WDR82: variants seen among roughly 807,000 people sequenced by gnomAD.
The protein encoded by WDR82 is WD repeat domain 82, also known as WD repeat-containing protein 82.
A neutral mutation model predicts 36.1 loss-of-function variants in WDR82; 8 were observed. The observed-to-expected ratio is 0.22, with a 90% CI of 0.13 to 0.40. The LOEUF (loss-of-function observed/expected upper bound fraction) is 0.40, where lower values mean the gene tolerates loss of function less well. Ranked by LOEUF, WDR82 falls within the 10% of genes least tolerant of loss-of-function variation. The pLI is 1.00. For synonymous variants in WDR82, 129 were observed against 137.8 expected, an observed-to-expected ratio of 0.94 and a Z score of 0.45; for missense variants, 185 against 400.5, an observed-to-expected ratio of 0.46 and a Z score of 4.59.
intron 2 of WDR82, among the ~76,000 whole-genome samples, chr3:52,269,171 A>G (rs962607850): frequency 2.6e-5 from 4 of 152,178 alleles, no homozygotes; most frequent in Admixed American, 6.5e-5. Context: ...ATCCACTGAA[A>G]TAAGTTTAAA....
chr3:52,257,932 T>C (rs1438124573), intron 8 of WDR82, among the ~76,000 whole-genome samples: 1 of 152,050 alleles, frequency 6.6e-6, no homozygotes, highest in African/African-American at 2.4e-5. Context: ...TAACATTTTT[T>C]TCTTGGTTAA....
rs1401380114 is a variant in WDR82, at chr3:52,259,239, G to C, written c.727C>G (p.Leu243Val). The change falls in exon 7 of 9, where the codon CTG (leucine) becomes GTG (valine). Residue 243 changes from leucine to valine, a missense_variant. Physicochemically the swap from Leu to Val is conservative, Grantham distance 32. Coordinates refer to ENST00000296490, the MANE Select transcript of WDR82 (RefSeq NM_025222.4). ...GGYANSKAVT[L>V]EASFTPDSQF... ...GAGTCTGGAGTAAATGAAGCCTCCAGTGTGACAGCTTTGCTGTTGGCATAA... is the reference window on the plus strand; with the variant it reads ...GAGTCTGGAGTAAATGAAGCCTCCACTGTGACAGCTTTGCTGTTGGCATAA... 6.2e-7 allele frequency: 1 copy of C among 1,614,234 alleles called. No homozygotes were observed. Among genetic ancestry groups the C allele is most frequent in the Admixed American group, 1.7e-5 (1 of 60,014 alleles).
chr3:52,278,369 G>A lies in WDR82; in HGVS notation c.-8C>T, dbSNP rs752961599. 10 of 1,535,012 alleles carry A rather than the reference G, an allele frequency of 6.5e-6. No homozygotes were observed. The highest frequency in any genetic ancestry group is 1.8e-4 in the Middle Eastern group (1 of 5,710). ...GCTGTCGGTCAGCTTCATGGCGGCG[G>A]CTGGGGAAGGCAGCGGCGGCGCAGG... On this transcript the variant is annotated 5_prime_UTR_variant, in exon 1 of 9. Transcript: ENST00000296490.
At chr3:52,278,004 CTATCGT>C (rs1381941759) in intron 1 of WDR82, 191 bp downstream of exon 1, 8 of 435,306 alleles carry the variant, frequency 1.8e-5, no homozygotes, top group Non-Finnish European at 2.4e-5. Flanking sequence ...AAAATTATGA[CTATCGT>C]TATCTTTTTT....
At chr3:52,273,220 A>G (rs1340831453) in intron 1 of WDR82, among the ~76,000 whole-genome samples, 2 of 152,224 alleles carry the variant, frequency 1.3e-5, no homozygotes, top group African/African-American at 4.8e-5. Flanking sequence ...ACCTGAGGTC[A>G]GGAGTCTGAG....
chr3:52,276,033 T>C (rs1700200121), intron 1 of WDR82, among the ~76,000 whole-genome samples: 2 of 152,194 alleles, frequency 1.3e-5, no homozygotes, highest in African/African-American at 4.8e-5. Context: ...TATTGAATCA[T>C]ATGGGAGTTC....
intron 1 of WDR82, among the ~76,000 whole-genome samples, chr3:52,277,456 C>T (rs1034588878): frequency 6.6e-6 from 1 of 152,074 alleles, no homozygotes; most frequent in African/African-American, 2.4e-5. Flanking sequence ...AATTGTTCTA[C>T]GATGCTTGCT....
chr3:52,263,548 TA>T (rs1423097351), intron 3 of WDR82, among the ~76,000 whole-genome samples: 3 of 152,126 alleles, frequency 2.0e-5, no homozygotes, highest in Non-Finnish European at 4.4e-5. Flanking sequence ...ATGGGAAGAT[TA>T]ATTAGGAGCT....
At chr3:52,278,066 G>A in intron 1 of WDR82, 135 bp downstream of exon 1, 4 of 859,634 alleles carry the variant, frequency 4.7e-6, no homozygotes, top group Non-Finnish European at 6.5e-6. Context: ...GCTGCGGGGT[G>A]GAGGCGGCCC....
At position 52,258,703 on chromosome 3, in the gene WDR82, G is replaced by T. The variant is rs774123117; in HGVS notation, c.770-25C>A. On this transcript the variant is annotated intron_variant, in intron 7 of 8. Transcript: ENST00000296490. Reference sequence around the variant, plus strand: ...CCTAAAGAGGATATTCACGGAAAATGTAACAGCTCAAGGCGCAATACAAAG... The same window carrying T: ...CCTAAAGAGGATATTCACGGAAAATTTAACAGCTCAAGGCGCAATACAAAG... 5 of 1,613,950 alleles carry T rather than the reference G, an allele frequency of 3.1e-6. No homozygotes were observed. The African/African-American group carries it at 4.0e-5, about 13-fold the overall frequency.
At chr3:52,265,117 G>C (rs960351227) in intron 3 of WDR82, among the ~76,000 whole-genome samples, 1 of 151,634 alleles carries the variant, frequency 6.6e-6, no homozygotes, top group African/African-American at 2.4e-5. Context: ...TGGGTAACAC[G>C]GTAAAACCCC....
intron 1 of WDR82, among the ~76,000 whole-genome samples, chr3:52,272,309 C>T (rs1032180012): frequency 5.3e-5 from 8 of 151,874 alleles, no homozygotes; most frequent in Admixed American, 5.2e-4. Flanking sequence ...TTTGGGAGGC[C>T]GAGGAGGGTG....
intron 6 of WDR82, 38 bp from the exon 7 acceptor site, chr3:52,259,304 GC>G: frequency 6.2e-7 from 1 of 1,602,448 alleles, no homozygotes; most frequent in Non-Finnish European, 8.5e-7. Flanking sequence ...TTCTTACAGA[GC>G]CATTAATAAA....
intron 8 of WDR82, among the ~76,000 whole-genome samples, chr3:52,258,154 T>C (rs1700029435): frequency 6.6e-6 from 1 of 152,180 alleles, no homozygotes; most frequent in African/African-American, 2.4e-5. Context: ...TTCTGGGAAT[T>C]TGGCGTAAAC....
intron 2 of WDR82, 177 bp from the exon 3 acceptor site, chr3:52,267,195 T>C: frequency 2.3e-6 from 1 of 442,322 alleles, no homozygotes; most frequent in Non-Finnish European, 4.1e-6. Context: ...TATGTAGATT[T>C]CACCTAACTC....
At chr3:52,274,629 T>C (rs2107343451) in intron 1 of WDR82, among the ~76,000 whole-genome samples, 1 of 151,846 alleles carries the variant, frequency 6.6e-6, no homozygotes, top group East Asian at 1.9e-4. Flanking sequence ...GTGCGGAGGC[T>C]CACATATGTA....
chr3:52,274,561 G>C (rs898253735), intron 1 of WDR82, among the ~76,000 whole-genome samples: 9 of 151,350 alleles, frequency 5.9e-5, no homozygotes, highest in African/African-American at 2.4e-5. Context: ...GAAGACCTTT[G>C]TCTTAACAAC....
At chr3:52,259,383 C>T in intron 6 of WDR82, 117 bp from the exon 7 acceptor site, 1 of 1,023,048 alleles carries the variant, frequency 9.8e-7, no homozygotes, top group Non-Finnish European at 1.5e-6. Context: ...CTTTCCTTGT[C>T]ATGTACTACA....
chr3:52,263,970 C>T (rs1700084440), intron 3 of WDR82, among the ~76,000 whole-genome samples: 1 of 152,078 alleles, frequency 6.6e-6, no homozygotes, highest in African/African-American at 2.4e-5. Context: ...TTGACAGCGG[C>T]CTGGCCAACA....
Sources: gnomAD v4.1 joint callset for allele counts (sites outside exome capture counted in the v4.1 genomes callset) on GRCh38, gnomAD v4.1.1 for gene constraint, MANE v1.5 for transcripts, NCBI Gene and HGNC (gene_info 2026-07-23, HGNC 2026-07-21) for gene names.